Variants in SCN3B observed in about 807,000 individuals in gnomAD.
SCN3B encodes the protein sodium channel regulatory subunit beta-3.
A neutral mutation model predicts 25.4 loss-of-function variants in SCN3B; 11 were observed. That is an observed-to-expected ratio of 0.43 (90% CI 0.27 to 0.72). SCN3B has a LOEUF of 0.72. Ranked by LOEUF, SCN3B falls within the 30% of genes least tolerant of loss-of-function variation. The pLI, the probability that SCN3B is intolerant of heterozygous loss-of-function variation, is 0.18. For synonymous variants in SCN3B, 109 were observed against 110.7 expected, an observed-to-expected ratio of 0.99 and a Z score of 0.09; for missense variants, 218 against 278.3, an observed-to-expected ratio of 0.78 and a Z score of 1.54.
chr11:123,638,758 A>G (rs1261284132), intron 4 of SCN3B: 1 of 280,100 alleles, frequency 3.6e-6, no homozygotes, highest in Admixed American at 5.0e-5. Flanking sequence ...AAAAGTCTAC[A>G]CAGATGTAAG....
At chr11:123,649,436 C>T (rs1390390332) in intron 2 of SCN3B, among the ~76,000 whole-genome samples, 1 of 152,108 alleles carries the variant, frequency 6.6e-6, no homozygotes, top group African/African-American at 2.4e-5. Context: ...GGCATGAGAA[C>T]TCTGCTCGTA....
At chr11:123,637,806 A>G (rs911577355) in intron 5 of SCN3B, among the ~76,000 whole-genome samples, 30 of 152,270 alleles carry the variant, frequency 2.0e-4, no homozygotes, top group Non-Finnish European at 3.5e-4. Context: ...CTGAGATTAC[A>G]GGCGTGACAG....
rs1339608929 is a variant in SCN3B at position 123,654,229 on chromosome 11, T to C, written c.-29A>G. On this transcript the variant is annotated 5_prime_UTR_variant, in exon 1 of 7. Coordinates refer to ENST00000299333, the MANE Select transcript of SCN3B (RefSeq NM_001040151.2). Reference sequence around the variant, plus strand: ...GGAAGGGTCCAGGTTGATTCACCTCTCGCCTCCCCAGGATCGGTTGCGTTC... The same window carrying C: ...GGAAGGGTCCAGGTTGATTCACCTCCCGCCTCCCCAGGATCGGTTGCGTTC... The C allele has an allele frequency of 4.3e-6, 1 of 233,688 alleles. No homozygotes were observed. The highest frequency in any genetic ancestry group is 1.0e-4 in the East Asian group (1 of 9,752). The allele number at this position is 233,688 out of a possible 1,614,324, so 14.5% of individuals were successfully genotyped here.
In SCN3B at chr11:123,642,340, T is replaced by G; in HGVS notation, c.445+106A>C. The G allele has an allele frequency of 9.5e-7, 1 of 1,051,824 alleles. No individual in the cohort carries two copies. The highest frequency in any genetic ancestry group is 1.5e-6 in the Non-Finnish European group (1 of 679,486). The allele number at this position is 1,051,824 out of a possible 1,614,324, so 65.2% of individuals were successfully genotyped here. ...TTTAGATGTCACCATTCCAAATACA[T>G]GGGTTTTTGCACTCTTTAAGGGCCT... On this transcript the variant is annotated intron_variant, in intron 4 of 6. Coordinates refer to ENST00000299333, the MANE Select transcript of SCN3B (RefSeq NM_001040151.2). This position sits in a 1 kb window ranked among gnomAD's most constrained non-coding sequence, Gnocchi z 4.3.
intron 6 of SCN3B, 73 bp downstream of exon 6, chr11:123,634,048 T>C (rs1955699342): frequency 1.6e-6 from 2 of 1,251,428 alleles, no homozygotes. Flanking sequence ...GTCACTTCAG[T>C]TGTGGGCAAC....
At position 123,645,245 on chromosome 11, in the gene SCN3B, A is replaced by T. The variant is rs529309374; in HGVS notation, c.219+342T>A. Among the ~76,000 whole-genome samples the T allele has an allele frequency of 2.5e-3, 382 of 152,268 alleles. 1 individual carries two copies. The highest frequency in any genetic ancestry group is 4.5e-3 in the Non-Finnish European group (307 of 68,026). On this transcript the variant is annotated intron_variant, in intron 3 of 6. Transcript: ENST00000299333. Reference sequence around the variant, plus strand: ...TGCTTTGTGTTATTCCAATTTCTTTATGAATTTAATGCATATAATAGGATG... The same window carrying T: ...TGCTTTGTGTTATTCCAATTTCTTTTTGAATTTAATGCATATAATAGGATG...
Position 123,638,278 on chromosome 11 carries a change from G to C in SCN3B, c.492C>G (p.Ile164Met). 2 of 1,614,142 alleles carry C rather than the reference G, an allele frequency of 1.2e-6. No individual in the cohort carries two copies. Among genetic ancestry groups the C allele is most frequent in the Non-Finnish European group, 1.7e-6 (2 of 1,180,026 alleles). ...GCCACAAGGTGAGGAAGACCAGAAG[G>C]ATGTACATCATGATTTCTGAGACCA... ...TSVVSEIMMY[I>M]LLVFLTLWLL... is the part of the protein sequence containing the mutation. The change falls in exon 5 of 7, where the codon ATC (isoleucine) becomes ATG (methionine). Residue 164 changes from isoleucine (I) to methionine (M), a missense_variant. Ile to Met is a conservative substitution (Grantham distance 10). Transcript: ENST00000299333.
In SCN3B at chr11:123,638,275, A is replaced by G; in HGVS notation, c.495T>C (p.Leu165=). Residue 165 remains leucine (L), a synonymous_variant, in exon 5 of 7, where the codon CTT becomes CTC. Transcript: ENST00000299333. The stretch of plus-strand genomic sequence containing the variant: ...GCAGCCACAAGGTGAGGAAGACCAG[A>G]AGGATGTACATCATGATTTCTGAGA... ...SVVSEIMMYI[L]LVFLTLWLLI... 1 of 1,614,220 alleles carries G rather than the reference A, an allele frequency of 6.2e-7. No individual in the cohort carries two copies. Among genetic ancestry groups the G allele is most frequent in the Non-Finnish European group, 8.5e-7 (1 of 1,180,050 alleles).
intron 5 of SCN3B, among the ~76,000 whole-genome samples, chr11:123,637,158 C>G (rs571999607): frequency 6.6e-6 from 1 of 152,302 alleles, no homozygotes; most frequent in East Asian, 1.9e-4. Flanking sequence ...CAGACCCCAC[C>G]GTTTCTCAAA....
At chr11:123,639,794 A>G (rs1955766854) in intron 4 of SCN3B, 1 of 152,188 alleles carries the variant, frequency 6.6e-6, no homozygotes, top group South Asian at 2.1e-4. Flanking sequence ...CCTGCTGTAT[A>G]AATCTTAGAA....
rs747919576 is a variant in SCN3B at position 123,642,416 on chromosome 11, C to G, written c.445+30G>C. The stretch of plus-strand genomic sequence containing the variant: ...CCTTCCCTGTCCACAGAGAGCAGGA[C>G]GCCCTAGAGACCCTGTGCCTCAGCC... On this transcript the variant is annotated intron_variant, in intron 4 of 6. Transcript: ENST00000299333. The surrounding 1 kb of genome is among the most constrained non-coding windows in gnomAD (Gnocchi z 4.3). 1 of 1,604,606 alleles carries G rather than the reference C, an allele frequency of 6.2e-7. No homozygotes were observed. The highest frequency in any genetic ancestry group is 1.3e-5 in the African/African-American group (1 of 74,704).
Position 123,642,492 on chromosome 11 carries a change from G to A in SCN3B, c.399C>T (p.Pro133=). Residue 133 remains proline, a synonymous_variant, in exon 4 of 7, where the codon CCC becomes CCT. Transcript: ENST00000299333. This position sits in a 1 kb window ranked among gnomAD's most constrained non-coding sequence, Gnocchi z 4.3. ...SREFEFEAHR[P]FVKTTRLIPL... Reference sequence around the variant, plus strand: ...GGATCAGCCGCGTCGTCTTCACAAAGGGCCGATGCGCCTCAAACTCAAACT... The same window carrying A: ...GGATCAGCCGCGTCGTCTTCACAAAAGGCCGATGCGCCTCAAACTCAAACT... The A allele has an allele frequency of 6.2e-7, 1 of 1,614,194 alleles. No homozygotes were observed. Among genetic ancestry groups the A allele is most frequent in the Non-Finnish European group, 8.5e-7 (1 of 1,180,044 alleles).
At position 123,631,012 on chromosome 11, in the gene SCN3B, A is replaced by G. The variant is rs986273718; in HGVS notation, c.*2787T>C. 2 of 152,248 alleles carry G rather than the reference A, an allele frequency of 1.3e-5. No homozygotes were observed. The highest frequency in any genetic ancestry group is 6.5e-5 in the Admixed American group (1 of 15,286). The allele number at this position is 152,248 out of a possible 1,614,324, so 9.4% of individuals were successfully genotyped here. On this transcript the variant is annotated 3_prime_UTR_variant, in exon 7 of 7. Coordinates refer to ENST00000299333, the MANE Select transcript of SCN3B (RefSeq NM_001040151.2). ...GAGACCCTCAGTTTCTTCTTTTGTA[A>G]TGTGACCTCACAGGACCAGTTATAG...
intron 2 of SCN3B, among the ~76,000 whole-genome samples, chr11:123,646,510 G>A (rs1955854855): frequency 6.6e-6 from 1 of 152,234 alleles, no homozygotes; most frequent in African/African-American, 2.4e-5. Context: ...GGAGGTTGGA[G>A]CAGCAGTGAA....
chr11:123,645,791 G>T (rs1354061108), intron 2 of SCN3B, 41 bp from the exon 3 acceptor site: 5 of 1,604,226 alleles, frequency 3.1e-6, no homozygotes, highest in Non-Finnish European at 4.3e-6. Flanking sequence ...ACAGCAGGTG[G>T]TGGGGGAGGG....
In SCN3B at chr11:123,638,889, T is replaced by C. The variant is rs1224772930; in HGVS notation, c.446-565A>G. ...CAACAAAGACAGCCTCCATGAGATA[T>C]GCGCATGTTCTCTACAAGTCTGGGT... On this transcript the variant is annotated intron_variant, in intron 4 of 6. Coordinates refer to ENST00000299333, the MANE Select transcript of SCN3B (RefSeq NM_001040151.2). 18 of 188,274 alleles carry C rather than the reference T, an allele frequency of 9.6e-5. No individual in the cohort carries two copies. The Admixed American group carries it at 9.6e-4, about 10-fold the overall frequency. The allele number at this position is 188,274 out of a possible 1,614,324, so 11.7% of individuals were successfully genotyped here.
Position 123,654,280 on chromosome 11 carries a change from G to A in SCN3B, c.-80C>T, listed in dbSNP as rs1453066245. On this transcript the variant is annotated 5_prime_UTR_variant, in exon 1 of 7. Coordinates refer to ENST00000299333, the MANE Select transcript of SCN3B (RefSeq NM_001040151.2). ...CGACTGGAATCCTCCCAGCCCCGCG[G>A]CTCCTGCTTCGTCCGCCCTAACTGC... 5.0e-5 allele frequency: 9 copies of A among 179,490 alleles called. No homozygotes were observed. In the South Asian group the frequency reaches 6.1e-4, roughly 12 times the overall value. The allele number at this position is 179,490 out of a possible 1,614,324, so 11.1% of individuals were successfully genotyped here. A position where few individuals can be genotyped will look rare whatever the true frequency, so the allele number is the denominator to read the frequency against.
At chr11:123,650,971 C>T (rs550091978) in intron 2 of SCN3B, among the ~76,000 whole-genome samples, 10 of 152,158 alleles carry the variant, frequency 6.6e-5, no homozygotes, top group African/African-American at 2.2e-4. Context: ...GCCTATAATC[C>T]TAGCATTATG....
chr11:123,643,597 GAGA>G (rs1226972418), intron 3 of SCN3B, among the ~76,000 whole-genome samples: 1 of 152,264 alleles, frequency 6.6e-6, no homozygotes, highest in African/African-American at 2.4e-5. Context: ...AGCACAGATA[GAGA>G]AGGTTTCCAC....
Sources: gnomAD v4.1 joint callset for allele counts (sites outside exome capture counted in the v4.1 genomes callset) on GRCh38, gnomAD v4.1.1 for gene constraint, Gnocchi (gnomAD v3.1) non-coding constraint, MANE v1.5 for transcripts, NCBI Gene and HGNC (gene_info 2026-07-23, HGNC 2026-07-21) for gene names.